PPP2R5C: variants seen among roughly 807,000 people sequenced by gnomAD.
PPP2R5C encodes the protein serine/threonine-protein phosphatase 2A 56 kDa regulatory subunit gamma isoform.
A neutral mutation model predicts 68.9 loss-of-function variants in PPP2R5C; 7 were observed. That is an observed-to-expected ratio of 0.10 (90% CI 0.06 to 0.19). The LOEUF (loss-of-function observed/expected upper bound fraction) is 0.19. Among genes scored for constraint, PPP2R5C ranks in the 10% least tolerant of loss-of-function variants. The pLI, the probability that PPP2R5C is intolerant of heterozygous loss-of-function variation, is 1.00. For missense variants in PPP2R5C, 348 were observed against 641.3 expected (o/e 0.54, Z 4.94); for synonymous variants, 210 against 222.2 (o/e 0.95, Z 0.49).
chr14:101,785,794 G>A (rs928242791), intron 2 of PPP2R5C, among the ~76,000 whole-genome samples: 8 of 152,192 alleles, frequency 5.3e-5, no homozygotes, highest in African/African-American at 1.9e-4. Flanking sequence ...TCAAAAGTTT[G>A]AAGGAAGATA....
intron 3 of PPP2R5C, among the ~76,000 whole-genome samples, chr14:101,802,229 A>G (rs1276455006): frequency 2.0e-5 from 3 of 152,274 alleles, no homozygotes; most frequent in South Asian, 2.1e-4. Context: ...CCTGACCAAC[A>G]TGGTGAAACC....
rs944995383 is a variant in PPP2R5C, at chr14:101,882,043, G to A, written c.295-118G>A. 4.9e-5 allele frequency: 37 copies of A among 762,568 alleles called. No homozygotes were observed. Among genetic ancestry groups the A allele is most frequent in the Admixed American group, 2.6e-4 (8 of 30,372 alleles). The allele number at this position is 762,568 out of a possible 1,614,324, so 47.2% of individuals were successfully genotyped here. On this transcript the variant is annotated intron_variant, in intron 2 of 13. Coordinates refer to ENST00000334743, the Ensembl canonical transcript of PPP2R5C. The surrounding 1 kb of genome is among the most constrained non-coding windows in gnomAD (Gnocchi z 4.9). ...CACAGCTTCTGCGTTTTGAGGATACGGAGGAGCTAAGTTACCATGGGAAGC... is the reference window on the plus strand; with the variant it reads ...CACAGCTTCTGCGTTTTGAGGATACAGAGGAGCTAAGTTACCATGGGAAGC...
intron 2 of PPP2R5C, 84 bp from the exon 3 acceptor site, chr14:101,785,934 A>G (rs900213241): frequency 2.4e-6 from 3 of 1,270,206 alleles, no homozygotes; most frequent in Admixed American, 3.2e-5. Context: ...AGTAAGACTC[A>G]TGTATATGTT....
At position 101,905,314 on chromosome 14, in the gene PPP2R5C, A is replaced by C. The variant is rs2045963778; in HGVS notation, c.1024-1088A>C. ...GGTTGTAGTGAGTCGAGATAGCACC[A>C]CTGCACTCCAGCCTGGGCAACAGAG... On this transcript the variant is annotated intron_variant, in intron 9 of 13. Coordinates refer to ENST00000334743, the Ensembl canonical transcript of PPP2R5C. Among the ~76,000 whole-genome samples, 4 of 151,922 alleles carry C rather than the reference A, an allele frequency of 2.6e-5. No homozygotes were observed. In the South Asian group the frequency reaches 8.3e-4, roughly 32 times the overall value.
intron 1 of PPP2R5C, among the ~76,000 whole-genome samples, chr14:101,841,187 G>A (rs895757330): frequency 1.4e-4 from 21 of 152,140 alleles, no homozygotes; most frequent in Admixed American, 1.4e-3. Flanking sequence ...CAGAGGTGGA[G>A]TTGGGACTCC....
chr14:101,819,324 G>T (rs995503161), intron 1 of PPP2R5C: 2 of 436,738 alleles, frequency 4.6e-6, no homozygotes, highest in Middle Eastern at 6.3e-4. Flanking sequence ...CTTTCCAGGG[G>T]GTTTGCAAGG....
intron 1 of PPP2R5C, among the ~76,000 whole-genome samples, chr14:101,832,595 A>G (rs2040814219): frequency 6.6e-6 from 1 of 152,132 alleles, no homozygotes; most frequent in African/African-American, 2.4e-5. Context: ...ACACCTTCCC[A>G]TCTCTTTCTT....
intron 2 of PPP2R5C, among the ~76,000 whole-genome samples, chr14:101,780,813 A>AT (rs1595139218): frequency 6.6e-6 from 1 of 151,882 alleles, no homozygotes; most frequent in East Asian, 1.9e-4. Flanking sequence ...GAAAGGGAGG[A>AT]TTTTGAGAGG....
intron 3 of PPP2R5C, among the ~76,000 whole-genome samples, chr14:101,799,458 G>C (rs2038765223): frequency 6.6e-6 from 1 of 152,172 alleles, no homozygotes; most frequent in South Asian, 2.1e-4. Flanking sequence ...GGTGAGGAAA[G>C]GACCAGCGGG....
At chr14:101,773,262 G>A (rs1231425764) in intron 2 of PPP2R5C, among the ~76,000 whole-genome samples, 3 of 152,122 alleles carry the variant, frequency 2.0e-5, no homozygotes, top group African/African-American at 7.2e-5. Flanking sequence ...CACCTTTGCA[G>A]AGCAATGGCC....
At chr14:101,826,478 T>C (rs1004374324) in intron 1 of PPP2R5C, among the ~76,000 whole-genome samples, 1 of 152,240 alleles carries the variant, frequency 6.6e-6, no homozygotes, top group Non-Finnish European at 1.5e-5. Flanking sequence ...GGATTCTCTA[T>C]TCCATTGGTC....
At chr14:101,799,819 G>A (rs1408304536) in intron 3 of PPP2R5C, among the ~76,000 whole-genome samples, 1 of 152,116 alleles carries the variant, frequency 6.6e-6, no homozygotes, top group Non-Finnish European at 1.5e-5. Flanking sequence ...TGTTTTTTAT[G>A]TACCTGATCT....
upstream of PPP2R5C, chr14:101,809,780 T>A (rs2039241742): frequency 7.5e-7 from 1 of 1,331,392 alleles, no homozygotes; most frequent in African/African-American, 1.5e-5. Context: ...TCATTTTAAG[T>A]TGCAGCTTCC....
At chr14:101,776,852 A>G (rs542126193) in intron 2 of PPP2R5C, among the ~76,000 whole-genome samples, 30 of 149,980 alleles carry the variant, frequency 2.0e-4, no homozygotes, top group African/African-American at 7.1e-4. Flanking sequence ...AGGTCCATCC[A>G]TGTTGTAGCG....
At chr14:101,820,946 A>C (rs2040014706) in intron 1 of PPP2R5C, 1 of 152,126 alleles carries the variant, frequency 6.6e-6, no homozygotes, top group Non-Finnish European at 1.5e-5. Context: ...GGTTCTCCAT[A>C]CTTTCTAAGA....
intron 5 of PPP2R5C, chr14:101,889,964 T>G (rs1330363248): frequency 5.4e-6 from 3 of 554,836 alleles, no homozygotes; most frequent in Non-Finnish European, 1.0e-5. Context: ...CACTGTAGAA[T>G]TCTTTCCGTT....
intron 2 of PPP2R5C, among the ~76,000 whole-genome samples, chr14:101,774,979 A>G (rs1416791231): frequency 6.6e-6 from 1 of 152,200 alleles, no homozygotes; most frequent in Non-Finnish European, 1.5e-5. Flanking sequence ...TGCCAGTAAA[A>G]CTTGATTTAC....
intron 1 of PPP2R5C, among the ~76,000 whole-genome samples, chr14:101,852,463 C>CTT (rs2042218485): frequency 3.2e-5 from 4 of 126,194 alleles, no homozygotes; most frequent in Admixed American, 1.6e-4. Context: ...TTTTCATTTT[C>CTT]TTTTTCTTTT....
chr14:101,886,280 C>CAAA (rs57167968), intron 5 of PPP2R5C, among the ~76,000 whole-genome samples: 2 of 103,984 alleles, frequency 1.9e-5, no homozygotes, highest in East Asian at 5.2e-4. Context: ...GACTCCGTCT[C>CAAA]AAAAAAAAAA....
Sources: allele counts gnomAD v4.1 joint callset (sites outside exome capture counted in the v4.1 genomes callset), GRCh38; gene constraint gnomAD v4.1.1; non-coding constraint Gnocchi (gnomAD v3.1); transcripts MANE v1.5; gene names NCBI Gene and HGNC (gene_info 2026-07-23, HGNC 2026-07-21).